The following CHODL variants were observed in gnomAD, a reference collection of about 807,000 sequenced individuals.
CHODL encodes the protein chondrolectin.
In CHODL, 29 loss-of-function variants were observed where a neutral mutation model predicts 34.5. The observed-to-expected ratio is 0.84, with a 90% CI of 0.63 to 1.15. The LOEUF (loss-of-function observed/expected upper bound fraction) is 1.15. CHODL is among the 50% of genes most tolerant of loss of function. The pLI, the probability that CHODL is intolerant of heterozygous loss-of-function variation, is 0.00. For synonymous variants in CHODL, 125 were observed against 116.1 expected (o/e 1.08, Z -0.49); for missense variants, 332 against 332.5 (o/e 1.00, Z 0.01).
At chr21:17,983,024 G>T (rs957890238) in intron 1 of CHODL, among the ~76,000 whole-genome samples, 1 of 151,746 alleles carries the variant, frequency 6.6e-6, no homozygotes, top group Non-Finnish European at 1.5e-5. Context: ...CGCATTCATC[G>T]CCTACATATG....
intron 1 of CHODL, among the ~76,000 whole-genome samples, chr21:17,961,047 C>T (rs529239836): frequency 7.2e-5 from 11 of 152,298 alleles, no homozygotes; most frequent in African/African-American, 1.9e-4. Flanking sequence ...CATACAAAGA[C>T]GTGCCTTTGT....
intron 1 of CHODL, among the ~76,000 whole-genome samples, chr21:18,019,650 T>A (rs1208473807): frequency 6.6e-6 from 1 of 152,210 alleles, no homozygotes; most frequent in Non-Finnish European, 1.5e-5. Context: ...TCCTTTTACA[T>A]CTTTAAAATA....
At chr21:17,943,856 G>T (rs1363639715) in intron 1 of CHODL, among the ~76,000 whole-genome samples, 1 of 152,148 alleles carries the variant, frequency 6.6e-6, no homozygotes, top group Non-Finnish European at 1.5e-5. Context: ...AGGAAGCCAA[G>T]TCTGATCTCA....
At chr21:18,080,407 G>A (rs1038660886) in intron 2 of CHODL, among the ~76,000 whole-genome samples, 2 of 152,068 alleles carry the variant, frequency 1.3e-5, no homozygotes, top group African/African-American at 2.4e-5. Context: ...ATTTTGCCAA[G>A]GCCAATGTCC....
At chr21:17,972,107 G>A (rs1190909202) in intron 1 of CHODL, among the ~76,000 whole-genome samples, 1 of 152,038 alleles carries the variant, frequency 6.6e-6, no homozygotes, top group East Asian at 1.9e-4. Flanking sequence ...ACCCCTTCAT[G>A]CTAAAAACTC....
chr21:17,918,777 T>G (rs1429540725), intron 1 of CHODL, among the ~76,000 whole-genome samples: 1 of 152,188 alleles, frequency 6.6e-6, no homozygotes. Flanking sequence ...AAGTCTTATC[T>G]GCGGTAAGGC....
rs149770840 is a variant in CHODL at position 18,060,235 on chromosome 21, G to A, written c.-45+32264G>A. Reference sequence around the variant, plus strand: ...TTTGGGAGACCAAAGCAGGCAGATCGCTTGAGTTCAGGAGTTTGAGACCAG... The same window carrying A: ...TTTGGGAGACCAAAGCAGGCAGATCACTTGAGTTCAGGAGTTTGAGACCAG... On this transcript the variant is annotated intron_variant, in intron 2 of 6. Coordinates refer to the CHODL transcript ENST00000400127. Among the ~76,000 whole-genome samples, 38 of 152,096 alleles carry A rather than the reference G, an allele frequency of 2.5e-4. 2 individuals carry two copies. In the East Asian group the frequency reaches 7.2e-3, roughly 29 times the overall value.
At chr21:18,169,876 G>A (rs1014746325) in intron 2 of CHODL, among the ~76,000 whole-genome samples, 1 of 151,864 alleles carries the variant, frequency 6.6e-6, no homozygotes, top group Non-Finnish European at 1.5e-5. Flanking sequence ...TTTGTTATTT[G>A]GGAGTGTGTT....
At chr21:18,189,129 T>A (rs987300710) in intron 2 of CHODL, among the ~76,000 whole-genome samples, 1 of 152,182 alleles carries the variant, frequency 6.6e-6, no homozygotes, top group Non-Finnish European at 1.5e-5. Context: ...CAGAATTCTC[T>A]CTCTCTTTTT....
intron 2 of CHODL, among the ~76,000 whole-genome samples, chr21:18,075,051 G>T (rs2064848314): frequency 6.6e-6 from 1 of 152,146 alleles, no homozygotes; most frequent in African/African-American, 2.4e-5. Context: ...GATTGAGTTT[G>T]AAAAATTAAG....
chr21:18,245,994 A>G, intron 1 of CHODL: 1 of 1,448,386 alleles, frequency 6.9e-7, no homozygotes, highest in South Asian at 1.2e-5. Context: ...AAGTCGGTCG[A>G]GTCAGTGCAT....
intron 2 of CHODL, among the ~76,000 whole-genome samples, chr21:18,083,978 G>C (rs1452891594): frequency 6.6e-6 from 1 of 152,150 alleles, no homozygotes; most frequent in African/African-American, 2.4e-5. Flanking sequence ...TGAGATTTGG[G>C]AGAGGCAATG....
intron 2 of CHODL, among the ~76,000 whole-genome samples, chr21:18,145,892 G>A (rs1032141342): frequency 1.3e-5 from 2 of 152,248 alleles, no homozygotes; most frequent in Admixed American, 6.5e-5. Flanking sequence ...AGCTCAATAC[G>A]GAGTTAAATT....
At chr21:18,072,316 T>G (rs1438834952) in intron 2 of CHODL, among the ~76,000 whole-genome samples, 2 of 152,224 alleles carry the variant, frequency 1.3e-5, no homozygotes, top group East Asian at 3.9e-4. Flanking sequence ...ATGCACTTAG[T>G]GATGAGCATT....
chr21:18,154,038 G>A lies in CHODL; in HGVS notation c.-44-102471G>A, dbSNP rs76391744. Among the ~76,000 whole-genome samples, 867 of 152,214 alleles carry A rather than the reference G, an allele frequency of 5.7e-3. 3 individuals are homozygous for A. Among genetic ancestry groups the A allele is most frequent in the Admixed American group, 0.011 (175 of 15,284 alleles). ...GAGGGATGGCAAGTGAGATGTTTATGTGTCTCAGACCACAAGATAGTGAAT... is the reference window on the plus strand; with the variant it reads ...GAGGGATGGCAAGTGAGATGTTTATATGTCTCAGACCACAAGATAGTGAAT... On this transcript the variant is annotated intron_variant, in intron 2 of 6. Transcript: ENST00000400127.
intron 2 of CHODL, among the ~76,000 whole-genome samples, chr21:18,146,134 A>ATTTTTTT (rs574946951): frequency 7.2e-6 from 1 of 139,558 alleles, no homozygotes. Flanking sequence ...CGCCCGGTTA[A>ATTTTTTT]TTTTTTTTTT....
intron 1 of CHODL, among the ~76,000 whole-genome samples, chr21:17,932,726 G>C (rs1278500084): frequency 1.3e-5 from 2 of 152,184 alleles, no homozygotes; most frequent in Non-Finnish European, 2.9e-5. Flanking sequence ...TACTGAAGGG[G>C]TGCGTTGCCC....
chr21:18,187,889 A>G (rs951976175), intron 2 of CHODL, among the ~76,000 whole-genome samples: 1 of 151,992 alleles, frequency 6.6e-6, no homozygotes, highest in Non-Finnish European at 1.5e-5. Flanking sequence ...CATTTAAGCT[A>G]TCATCTTTTT....
At chr21:18,051,934 C>T (rs2146469756) in intron 2 of CHODL, among the ~76,000 whole-genome samples, 2 of 151,818 alleles carry the variant, frequency 1.3e-5, no homozygotes, top group Middle Eastern at 3.4e-3. Context: ...ATAAATTGTG[C>T]ACATGAAAAG....
Sources: gnomAD v4.1 joint callset for allele counts (sites outside exome capture counted in the v4.1 genomes callset) on GRCh38, gnomAD v4.1.1 for gene constraint, MANE v1.5 for transcripts, NCBI Gene and HGNC (gene_info 2026-07-23, HGNC 2026-07-21) for gene names.